The following FRMPD4 variants were observed in gnomAD, a reference collection of about 807,000 sequenced individuals.
The protein encoded by FRMPD4 is FERM and PDZ domain containing 4.
Under a neutral mutation model 94.1 loss-of-function variants are expected in FRMPD4, and 22 were observed. The ratio of observed to expected loss-of-function variants is 0.23; its 90% CI spans 0.17 to 0.33. The LOEUF (loss-of-function observed/expected upper bound fraction) is 0.33. Ranked by LOEUF, FRMPD4 falls within the 10% of genes least tolerant of loss-of-function variation. FRMPD4 has a pLI of 1.00. For missense variants in FRMPD4, 1,111 were observed against 1,339.9 expected (o/e 0.83, Z 2.67); for synonymous variants, 631 against 548.6 (o/e 1.15, Z -2.10).
chrX:12,064,670 T>C (rs185573701), intron 3 of FRMPD4, among the ~76,000 whole-genome samples: 64 of 112,032 alleles, frequency 5.7e-4, no homozygotes, highest in African/African-American at 2.1e-3. Flanking sequence ...GGGTAATCTG[T>C]GCAGGAGTAA....
intron 1 of FRMPD4, among the ~76,000 whole-genome samples, chrX:12,271,685 C>T (rs1378029231): frequency 8.9e-6 from 1 of 112,088 alleles, no homozygotes; most frequent in African/African-American, 3.2e-5. Flanking sequence ...TTTGGCTTCT[C>T]ATTACAAGGT....
At chrX:12,568,060 G>A (rs759902338) in intron 2 of FRMPD4, among the ~76,000 whole-genome samples, 172 of 111,476 alleles carry the variant, frequency 1.5e-3, no homozygotes, top group Non-Finnish European at 2.7e-3. Context: ...CAGGCTTCCA[G>A]GGCTCAGTGC....
At chrX:12,058,997 CTA>C (rs754452491) in intron 3 of FRMPD4, among the ~76,000 whole-genome samples, 6 of 86,232 alleles carry the variant, frequency 7.0e-5, no homozygotes, top group Admixed American at 5.9e-4. Flanking sequence ...CTATTTTATT[CTA>C]TGTCATTTTT....
chrX:12,250,793 G>A (rs2054028086), intron 1 of FRMPD4, among the ~76,000 whole-genome samples: 1 of 110,976 alleles, frequency 9.0e-6, no homozygotes, highest in African/African-American at 3.3e-5. Flanking sequence ...GATGCTTCAG[G>A]TCAAATACCC....
chrX:12,342,646 T>A (rs2055634310), intron 1 of FRMPD4, among the ~76,000 whole-genome samples: 1 of 112,064 alleles, frequency 8.9e-6, no homozygotes, highest in Non-Finnish European at 1.9e-5. Context: ...AGCAAATGTT[T>A]GTGGAGCAGT....
At chrX:11,911,480 A>G (rs1451031703) in intron 3 of FRMPD4, among the ~76,000 whole-genome samples, 1 of 112,107 alleles carries the variant, frequency 8.9e-6, no homozygotes, top group Non-Finnish European at 1.9e-5. Flanking sequence ...CCAAAATGTG[A>G]CACTGTTTTG....
chrX:12,230,306 A>G (rs2056969661), intron 1 of FRMPD4, among the ~76,000 whole-genome samples: 1 of 111,595 alleles, frequency 9.0e-6, no homozygotes, highest in South Asian at 3.7e-4. Flanking sequence ...CCCTCTTGAC[A>G]TTCAAGTTTT....
Position 12,683,553 on chromosome X carries a change from T to C in FRMPD4, c.539T>C (p.Phe180Ser). ...AAGTCCAATCCTGTCAAAGTACGCT[T>C]CTCTGAGGAGGTCATCATCAACGGC... The part of the protein sequence containing the change: ...RLKSNPVKVR[F>S]SEEVIINGQV... The change falls in exon 6 of 17, where the codon TTC becomes TCC. Residue 180 changes from phenylalanine to serine, a missense_variant. This residue lies in a region of FRMPD4 where 140 missense variants were observed against 165.9 expected (regional missense o/e 0.84). Transcript: ENST00000675598. 1 of 1,178,934 alleles carries C rather than the reference T, an allele frequency of 8.5e-7. No homozygotes were observed.
intron 2 of FRMPD4, among the ~76,000 whole-genome samples, chrX:11,876,944 T>C (rs2053789080): frequency 8.9e-6 from 1 of 112,302 alleles, no homozygotes; most frequent in Non-Finnish European, 1.9e-5. Flanking sequence ...TGATATCTAC[T>C]GGGCAAAGGC....
intron 1 of FRMPD4, among the ~76,000 whole-genome samples, chrX:12,382,019 A>G (rs139987857): frequency 0.014 from 1,599 of 110,893 alleles, 33 homozygotes; most frequent in African/African-American, 0.05. Context: ...AGAATGAAGG[A>G]GCCCAAAAAA....
At chrX:12,374,724 T>C (rs968402360) in intron 1 of FRMPD4, among the ~76,000 whole-genome samples, 4 of 111,372 alleles carry the variant, frequency 3.6e-5, no homozygotes, top group African/African-American at 6.5e-5. Flanking sequence ...TATAAAACTT[T>C]GGTGTTTTGA....
chrX:12,263,235 G>A (rs1308054768), intron 1 of FRMPD4, among the ~76,000 whole-genome samples: 1 of 111,657 alleles, frequency 9.0e-6, no homozygotes, highest in Non-Finnish European at 1.9e-5. Context: ...ATCACATACT[G>A]TGTTTTTACA....
At chrX:12,587,254 C>T (rs189327418) in intron 2 of FRMPD4, among the ~76,000 whole-genome samples, 1 of 111,820 alleles carries the variant, frequency 8.9e-6, no homozygotes, top group South Asian at 3.7e-4. Context: ...GGATTACAGG[C>T]GTGAGCCACC....
intron 1 of FRMPD4, among the ~76,000 whole-genome samples, chrX:12,258,963 C>G (rs1033655368): frequency 1.8e-5 from 2 of 111,955 alleles, no homozygotes; most frequent in African/African-American, 6.5e-5. Flanking sequence ...CTTCATTTCT[C>G]CCTCTTTCCT....
In FRMPD4 at chrX:11,895,146, G is replaced by A. The variant is rs760548841; in HGVS notation, c.95+17128G>A. On this transcript the variant is annotated intron_variant, in intron 3 of 18. Transcript: ENST00000640291. Reference sequence around the variant, plus strand: ...TTACAGCAGAGCAGTTTCTTAATAGGAGCACTTATTGACTTTGGGACCAAG... The same window carrying A: ...TTACAGCAGAGCAGTTTCTTAATAGAAGCACTTATTGACTTTGGGACCAAG... Among the ~76,000 whole-genome samples, 83 of 112,034 alleles carry A rather than the reference G, an allele frequency of 7.4e-4. 1 individual carries two copies. The highest frequency in any genetic ancestry group is 2.2e-3 in the South Asian group (6 of 2,678).
intron 1 of FRMPD4, among the ~76,000 whole-genome samples, chrX:12,456,871 G>T (rs2057339490): frequency 1.8e-5 from 2 of 112,651 alleles, no homozygotes; most frequent in Non-Finnish European, 3.8e-5. Flanking sequence ...GATTTGGTCA[G>T]TTCCACACTT....
chrX:12,356,514 G>T (rs2055897859), intron 1 of FRMPD4, among the ~76,000 whole-genome samples: 1 of 111,003 alleles, frequency 9.0e-6, no homozygotes, highest in Non-Finnish European at 1.9e-5. Context: ...GGTCATAAGG[G>T]TGGAACCCTT....
At chrX:12,107,060 C>T (rs1421923379) in intron 3 of FRMPD4, among the ~76,000 whole-genome samples, 3 of 111,527 alleles carry the variant, frequency 2.7e-5, no homozygotes, top group African/African-American at 9.8e-5. Flanking sequence ...AGTGGTTCTC[C>T]CAGCACGGAG....
chrX:11,966,522 TATCATC>T lies in FRMPD4; in HGVS notation c.95+88528_95+88533del, dbSNP rs369305902. The stretch of plus-strand genomic sequence containing the variant: ...GTATTTTATTATAGCAGCCCAGATT[TATCATC>T]ATCATCATCATCATCATCATCATAG... On this transcript the variant is annotated intron_variant, in intron 3 of 18. Coordinates refer to the FRMPD4 transcript ENST00000640291. Among the ~76,000 whole-genome samples, 1,093 of 109,841 alleles carry T rather than the reference TATCATC, an allele frequency of 1.0e-2. 9 individuals are homozygous for T. The highest frequency in any genetic ancestry group is 0.033 in the African/African-American group (997 of 30,297).
Sources: gnomAD v4.1 joint callset for allele counts (sites outside exome capture counted in the v4.1 genomes callset) on GRCh38, gnomAD v4.1.1 for gene constraint, gnomAD v4.1.1 regional missense constraint, MANE v1.5 for transcripts, NCBI Gene and HGNC (gene_info 2026-07-23, HGNC 2026-07-21) for gene names.